Variants in OR52I2 observed in about 807,000 individuals in gnomAD.
OR52I2 encodes olfactory receptor family 52 subfamily I member 2.
For missense variants in OR52I2, 350 were observed against 402.4 expected, an observed-to-expected ratio of 0.87 and a Z score of 1.11; for synonymous variants, 147 against 151.9, an observed-to-expected ratio of 0.97 and a Z score of 0.24.
At chr11:4,584,720 T>C (rs1401677646) in intron 1 of OR52I2, among the ~76,000 whole-genome samples, 2 of 152,134 alleles carry the variant, frequency 1.3e-5, no homozygotes, top group African/African-American at 2.4e-5. Context: ...ATGGGACAGA[T>C]AGTGGGCTCC....
intron 1 of OR52I2, 48 bp from the exon 2 acceptor site, chr11:4,586,824 A>G (rs1439786377): frequency 6.2e-7 from 1 of 1,613,074 alleles, no homozygotes; most frequent in Non-Finnish European, 8.5e-7. Context: ...TGTGTCAACA[A>G]ATCTTACGGG....
intron 1 of OR52I2, among the ~76,000 whole-genome samples, chr11:4,586,523 A>G (rs1311850023): frequency 6.6e-6 from 1 of 152,174 alleles, no homozygotes; most frequent in African/African-American, 2.4e-5. Context: ...CTTAATGCAC[A>G]CAATAAAGTC....
chr11:4,581,889 G>A (rs896846533), intron 1 of OR52I2, 25 bp downstream of exon 1: 5 of 152,230 alleles, frequency 3.3e-5, no homozygotes, highest in African/African-American at 9.7e-5. Flanking sequence ...TGGGAATCAG[G>A]TGTTGGGCTG....
At chr11:4,586,886 T>C (rs7128702) in exon 2 of OR52I2, 112,804 of 1,613,972 alleles carry the variant, frequency 0.07, 5,912 homozygotes, top group African/African-American at 0.27. Context: ...AAAGTCTCAC[T>C]TGTGATGCTG....
chr11:4,582,364 G>C (rs115476863), intron 1 of OR52I2, among the ~76,000 whole-genome samples: 9 of 150,694 alleles, frequency 6.0e-5, no homozygotes, highest in African/African-American at 2.0e-4. Flanking sequence ...ATCCTCACAG[G>C]TCTTGTGCTT....
chr11:4,582,363 G>A (rs111882500), intron 1 of OR52I2, among the ~76,000 whole-genome samples: 2 of 151,354 alleles, frequency 1.3e-5, no homozygotes, highest in African/African-American at 4.8e-5. Flanking sequence ...AATCCTCACA[G>A]GTCTTGTGCT....
At chr11:4,587,227 G>C in exon 2 of OR52I2, 1 of 1,614,112 alleles carries the variant, frequency 6.2e-7, no homozygotes, top group Non-Finnish European at 8.5e-7. Flanking sequence ...CTTAGCCACA[G>C]CTGTGGAGAC....
At chr11:4,584,123 G>A (rs1846281216) in intron 1 of OR52I2, among the ~76,000 whole-genome samples, 1 of 152,178 alleles carries the variant, frequency 6.6e-6, no homozygotes, top group African/African-American at 2.4e-5. Flanking sequence ...TCTTACTATG[G>A]AAACCCTTTA....
chr11:4,586,831 C>T lies in OR52I2; in HGVS notation c.-19-41C>T, dbSNP rs200571706. 1.2e-4 allele frequency: 201 copies of T among 1,613,220 alleles called. No homozygotes were observed. The highest frequency in any genetic ancestry group is 1.5e-4 in the Non-Finnish European group (177 of 1,179,396). ...GCACCACATGTGTCAACAAATCTTA[C>T]GGGATTGCATTCTTCTCATACATCA... is the stretch of plus-strand genomic sequence containing the variant. On this transcript the variant is annotated intron_variant, in intron 1 of 1. Coordinates refer to ENST00000641896, the Ensembl canonical transcript of OR52I2.
At chr11:4,582,475 T>A (rs1484903540) in intron 1 of OR52I2, among the ~76,000 whole-genome samples, 1 of 146,738 alleles carries the variant, frequency 6.8e-6, no homozygotes, top group Non-Finnish European at 1.5e-5. Flanking sequence ...GTCTCCATTC[T>A]GTCATACAGG....
rs200581685 is a variant in OR52I2, at chr11:4,586,862, G to A, written c.-19-10G>A. On this transcript the variant is annotated splice_polypyrimidine_tract_variant and intron_variant, in intron 1 of 1. Coordinates refer to ENST00000641896, the Ensembl canonical transcript of OR52I2. Reference sequence around the variant, plus strand: ...TGCATTCTTCTCATACATCATTTGTGCATTAACAGGAAAAAAGTCTCACTT... The same window carrying A: ...TGCATTCTTCTCATACATCATTTGTACATTAACAGGAAAAAAGTCTCACTT... 12 of 1,614,062 alleles carry A rather than the reference G, an allele frequency of 7.4e-6. No individual in the cohort carries two copies. The highest frequency in any genetic ancestry group is 1.7e-4 in the Middle Eastern group (1 of 6,060).
At chr11:4,582,734 GA>G in intron 1 of OR52I2, among the ~76,000 whole-genome samples, 1 of 151,846 alleles carries the variant, frequency 6.6e-6, no homozygotes, top group Non-Finnish European at 1.5e-5. Flanking sequence ...ATGTCCGGTC[GA>G]ACTTTTTAAA....
At chr11:4,588,593 A>C (rs1211873902) in exon 2 of OR52I2, 1 of 152,172 alleles carries the variant, frequency 6.6e-6, no homozygotes, top group Non-Finnish European at 1.5e-5. Flanking sequence ...TGAAAAACTC[A>C]TCTTCCTTGC....
At position 4,587,578 on chromosome 11, in the gene OR52I2, T is replaced by C. The variant is rs560473214; in HGVS notation, c.688T>C (p.Phe230Leu). ...CTATATCTTAATTCTCAAGGCAGTA[T>C]TTGGTCTCTCCTCAAAGACTGCTCA... The change falls in exon 2 of 2, where the codon TTT (phenylalanine) becomes CTT (leucine). Residue 230 changes from phenylalanine (F) to leucine (L), a missense_variant. Phe to Leu is a conservative substitution (Grantham distance 22, BLOSUM62 0). Coordinates refer to ENST00000641896, the Ensembl canonical transcript of OR52I2. The C allele has an allele frequency of 2.8e-5, 45 of 1,614,108 alleles. No individual in the cohort carries two copies. In the South Asian group the frequency reaches 4.8e-4, roughly 17 times the overall value.
At chr11:4,586,040 G>C (rs1334734031) in intron 1 of OR52I2, among the ~76,000 whole-genome samples, 1 of 152,038 alleles carries the variant, frequency 6.6e-6, no homozygotes, top group Non-Finnish European at 1.5e-5. Flanking sequence ...AAGCTTACTG[G>C]GTAAAGTTCA....
exon 2 of OR52I2, chr11:4,587,975 T>G: frequency 4.6e-6 from 4 of 866,834 alleles, no homozygotes; most frequent in Non-Finnish European, 7.3e-6. Flanking sequence ...AAGGATATCC[T>G]TGCATAACTT....
chr11:4,585,419 T>A (rs560115715), intron 1 of OR52I2, among the ~76,000 whole-genome samples: 1 of 152,186 alleles, frequency 6.6e-6, no homozygotes, highest in Non-Finnish European at 1.5e-5. Context: ...AAACATCATA[T>A]GAAATCATTG....
At chr11:4,589,943 TA>T (rs1846338684) in exon 2 of OR52I2, 1 of 152,212 alleles carries the variant, frequency 6.6e-6, no homozygotes, top group South Asian at 2.1e-4. Context: ...TTGTTGAAAT[TA>T]AGGGACTTTT....
chr11:4,588,071 A>C (rs561125307), exon 2 of OR52I2: 1 of 582,786 alleles, frequency 1.7e-6, no homozygotes, highest in Admixed American at 3.1e-5. Flanking sequence ...TATCTGAATC[A>C]GAGACAAGTT....
Sources: allele counts gnomAD v4.1 joint callset (sites outside exome capture counted in the v4.1 genomes callset), GRCh38; gene constraint gnomAD v4.1.1; transcripts MANE v1.5; gene names NCBI Gene and HGNC (gene_info 2026-07-23, HGNC 2026-07-21).